VSTM4: variants seen among roughly 807,000 people sequenced by gnomAD.
The protein encoded by VSTM4 is V-set and transmembrane domain-containing protein 4.
In VSTM4, 20 loss-of-function variants were observed where a neutral mutation model predicts 36.4. The observed-to-expected ratio is 0.55, with a 90% CI of 0.39 to 0.80. The LOEUF (loss-of-function observed/expected upper bound fraction) is 0.80, where lower values mean the gene tolerates loss of function less well. Among genes scored for constraint, VSTM4 ranks in the 30% least tolerant of loss-of-function variants. The pLI, the probability that VSTM4 is intolerant of heterozygous loss-of-function variation, is 0.00. For synonymous variants in VSTM4, 182 were observed against 173.9 expected (o/e 1.05, Z -0.37); for missense variants, 392 against 404.5 (o/e 0.97, Z 0.26).
chr10:49,018,618 T>A lies in VSTM4; in HGVS notation c.*1032A>T, dbSNP rs1423440049. On this transcript the variant is annotated 3_prime_UTR_variant, in exon 8 of 8. Transcript: ENST00000332853. ...GGATCCCCTGCCAGTAAGTCCAAGA[T>A]TCCTGTGTCCCAAAGGTCCACAGAG... 3.9e-5 allele frequency: 6 copies of A among 152,220 alleles called. No homozygotes were observed. The highest frequency in any genetic ancestry group is 2.0e-4 in the Admixed American group (3 of 15,284). 9.4% of individuals were successfully genotyped at this position (152,220 alleles called of 1,614,324 possible). A position where few individuals can be genotyped will look rare whatever the true frequency, so the allele number is the denominator to read the frequency against.
chr10:49,088,307 T>C (rs1198419264), intron 2 of VSTM4, among the ~76,000 whole-genome samples: 1 of 152,212 alleles, frequency 6.6e-6, no homozygotes, highest in Non-Finnish European at 1.5e-5. Context: ...TATTTCTTTC[T>C]GACTTCCTCC....
At chr10:49,046,118 A>C (rs2137914) in intron 7 of VSTM4, among the ~76,000 whole-genome samples, 23,311 of 152,182 alleles carry the variant, frequency 0.15, 2,423 homozygotes, top group South Asian at 0.26. Flanking sequence ...GAGGACTCCC[A>C]AACCATGAGG....
At chr10:49,044,409 AAGAGAG>A (rs545160572) in intron 7 of VSTM4, among the ~76,000 whole-genome samples, 1 of 148,666 alleles carries the variant, frequency 6.7e-6, no homozygotes, top group Admixed American at 6.7e-5. Flanking sequence ...AAGAAAAAGA[AAGAGAG>A]AAAGAAAGAA....
At chr10:49,086,066 C>A in intron 2 of VSTM4, 43 bp from the exon 3 acceptor site, 1 of 1,298,076 alleles carries the variant, frequency 7.7e-7, no homozygotes, top group Non-Finnish European at 1.1e-6. Flanking sequence ...AAAAATAATG[C>A]CACATGGTAC....
intron 7 of VSTM4, among the ~76,000 whole-genome samples, chr10:49,024,259 C>T (rs1220475162): frequency 2.0e-5 from 3 of 152,106 alleles, no homozygotes; most frequent in Non-Finnish European, 4.4e-5. Flanking sequence ...TTCATGGACC[C>T]TTAGTCTCAC....
chr10:49,100,657 T>C (rs1159635456), intron 2 of VSTM4, among the ~76,000 whole-genome samples: 2 of 151,902 alleles, frequency 1.3e-5, no homozygotes, highest in African/African-American at 2.4e-5. Context: ...TAAAGATGTC[T>C]AAGATGAATA....
At chr10:49,086,138 A>G in intron 2 of VSTM4, 115 bp from the exon 3 acceptor site, 1 of 620,450 alleles carries the variant, frequency 1.6e-6, no homozygotes, top group Non-Finnish European at 2.7e-6. Context: ...AGTTGTCAAA[A>G]CTCACATGTT....
chr10:49,069,236 G>T (rs191197653), intron 4 of VSTM4, among the ~76,000 whole-genome samples: 4 of 152,234 alleles, frequency 2.6e-5, no homozygotes, highest in Admixed American at 6.5e-5. Context: ...GACCTCCAAG[G>T]CATGGTTGAT....
intron 7 of VSTM4, among the ~76,000 whole-genome samples, chr10:49,043,661 G>A (rs1043351070): frequency 1.3e-5 from 2 of 152,226 alleles, no homozygotes. Context: ...TCAAATAATT[G>A]TTTAGAATAT....
intron 5 of VSTM4, among the ~76,000 whole-genome samples, chr10:49,063,979 G>A (rs1843926601): frequency 6.6e-6 from 1 of 152,198 alleles, no homozygotes. Flanking sequence ...GGAGGAATGA[G>A]CTTACCTGAA....
intron 4 of VSTM4, among the ~76,000 whole-genome samples, chr10:49,071,553 CAAA>C (rs1391107670): frequency 6.6e-5 from 10 of 152,328 alleles, no homozygotes; most frequent in African/African-American, 2.4e-4. Context: ...CCCTTAGAGG[CAAA>C]GCAGTGCCAG....
intron 2 of VSTM4, chr10:49,102,224 G>T: frequency 5.6e-6 from 1 of 179,558 alleles, no homozygotes; most frequent in Non-Finnish European, 1.1e-5. Context: ...TGCAGCCTTT[G>T]CCTCCTGGGT....
chr10:49,096,839 G>A (rs766190714), intron 2 of VSTM4, among the ~76,000 whole-genome samples: 1 of 151,998 alleles, frequency 6.6e-6, no homozygotes, highest in Non-Finnish European at 1.5e-5. Flanking sequence ...ATTTTTAGTA[G>A]ACACGGGGTT....
At chr10:49,079,820 A>T (rs774801242) in intron 3 of VSTM4, among the ~76,000 whole-genome samples, 3 of 151,136 alleles carry the variant, frequency 2.0e-5, no homozygotes, top group Non-Finnish European at 4.4e-5. Flanking sequence ...AAAAAAAGCC[A>T]TCGGCCATCC....
At chr10:49,025,613 A>AG (rs909361654) in intron 7 of VSTM4, among the ~76,000 whole-genome samples, 2 of 152,232 alleles carry the variant, frequency 1.3e-5, no homozygotes, top group Admixed American at 1.3e-4. Flanking sequence ...CTTTCTGGAA[A>AG]GGGGGCAATG....
chr10:49,103,939 C>A, intron 2 of VSTM4: 1 of 1,170,366 alleles, frequency 8.5e-7, no homozygotes, highest in Non-Finnish European at 1.2e-6. Flanking sequence ...CTCAAACCCC[C>A]AAGAGCTCCT....
rs1473808469 is a variant in VSTM4, at chr10:49,017,022, C to T, written c.*2628G>A. 6.6e-6 allele frequency: 1 copy of T among 152,254 alleles called. No individual in the cohort carries two copies. Among genetic ancestry groups the T allele is most frequent in the Non-Finnish European group, 1.5e-5 (1 of 68,038 alleles). 9.4% of individuals were successfully genotyped at this position (152,254 alleles called of 1,614,324 possible). ...TTCATTTAAACATTTAAGCAATGGT[C>T]TATTTTGAAAATTACTCATATGTAG... On this transcript the variant is annotated 3_prime_UTR_variant, in exon 8 of 8. Transcript: ENST00000332853.
chr10:49,062,264 C>T (rs1843890151), intron 5 of VSTM4, among the ~76,000 whole-genome samples: 1 of 152,196 alleles, frequency 6.6e-6, no homozygotes, highest in African/African-American at 2.4e-5. Context: ...ATATGTACTC[C>T]TATTTCTGCT....
intron 1 of VSTM4, among the ~76,000 whole-genome samples, chr10:49,108,415 T>C (rs1453010277): frequency 2.0e-5 from 3 of 152,208 alleles, no homozygotes; most frequent in Non-Finnish European, 4.4e-5. Context: ...GGCCTACTTT[T>C]ATCAGTTTTG....
Sources: gnomAD v4.1 joint callset for allele counts (sites outside exome capture counted in the v4.1 genomes callset) on GRCh38, gnomAD v4.1.1 for gene constraint, MANE v1.5 for transcripts, NCBI Gene and HGNC (gene_info 2026-07-23, HGNC 2026-07-21) for gene names.